Variants in FHIT observed in about 807,000 individuals in gnomAD.
FHIT encodes the protein bis(5'-adenosyl)-triphosphatase.
Under a neutral mutation model 17.9 loss-of-function variants are expected in FHIT, and 19 were observed. That is an observed-to-expected ratio of 1.06 (90% CI 0.74 to 1.56). FHIT has a LOEUF of 1.56. FHIT is among the 40% of genes most tolerant of loss of function. The pLI is 0.00. For synonymous variants in FHIT, 81 were observed against 69.7 expected (o/e 1.16, Z -0.81); for missense variants, 248 against 189.2 (o/e 1.31, Z -1.82).
At chr3:61,059,118 A>C (rs529744994) in intron 2 of FHIT, among the ~76,000 whole-genome samples, 31 of 152,338 alleles carry the variant, frequency 2.0e-4, no homozygotes, top group Non-Finnish European at 3.8e-4. Context: ...TCCCTAAGCT[A>C]CTATTTGTTA....
At chr3:59,788,553 G>A (rs1417941560) in intron 8 of FHIT, among the ~76,000 whole-genome samples, 2 of 152,072 alleles carry the variant, frequency 1.3e-5, no homozygotes, top group Non-Finnish European at 2.9e-5. Context: ...AGGGCTAAAG[G>A]CAGGCTACGA....
chr3:60,930,342 T>C (rs570216994), intron 3 of FHIT, among the ~76,000 whole-genome samples: 7 of 152,160 alleles, frequency 4.6e-5, no homozygotes, highest in South Asian at 2.1e-4. Flanking sequence ...AAAGCAATGG[T>C]AACAAAAGAC....
chr3:59,986,725 T>TATATAAATATATAA (rs1708958741), intron 7 of FHIT, among the ~76,000 whole-genome samples: 3 of 21,168 alleles, frequency 1.4e-4, no homozygotes, highest in Non-Finnish European at 2.4e-4. Context: ...TACATATATT[T>TATATAAATATATAA]ATATAAATAT....
chr3:60,381,234 T>G (rs1700787005), intron 5 of FHIT, among the ~76,000 whole-genome samples: 1 of 152,010 alleles, frequency 6.6e-6, no homozygotes, highest in Non-Finnish European at 1.5e-5. Flanking sequence ...TCCCAGCACT[T>G]TGGGAGGCTG....
intron 8 of FHIT, among the ~76,000 whole-genome samples, chr3:59,868,058 A>C (rs1206149651): frequency 2.6e-5 from 4 of 151,594 alleles, no homozygotes; most frequent in Non-Finnish European, 5.9e-5. Flanking sequence ...AAAAAAAAAA[A>C]AAAAAAAACC....
chr3:60,731,118 G>A lies in FHIT; in HGVS notation c.-18+90801C>T, dbSNP rs558542893. On this transcript the variant is annotated intron_variant, in intron 4 of 9. Transcript: ENST00000492590. The stretch of plus-strand genomic sequence containing the variant: ...TACACTCCAGCCTGGGTGATAGAGC[G>A]AGACTCTGTCTCAAAAATAAATAAA... Among the ~76,000 whole-genome samples the A allele has an allele frequency of 5.1e-4, 78 of 152,142 alleles. No homozygotes were observed. In the East Asian group the frequency reaches 0.011, roughly 22 times the overall value.
chr3:60,778,459 A>G (rs1457489636), intron 4 of FHIT, among the ~76,000 whole-genome samples: 10 of 152,260 alleles, frequency 6.6e-5, no homozygotes, highest in African/African-American at 2.4e-4. Flanking sequence ...ATTATCAAGC[A>G]AAACAAGAGT....
intron 8 of FHIT, among the ~76,000 whole-genome samples, chr3:59,834,826 T>C (rs1259259265): frequency 2.0e-5 from 3 of 152,200 alleles, no homozygotes; most frequent in Non-Finnish European, 4.4e-5. Flanking sequence ...CATAAAAATA[T>C]ATCAATGCAT....
At chr3:60,102,001 C>T (rs1424843551) in intron 5 of FHIT, among the ~76,000 whole-genome samples, 10 of 152,142 alleles carry the variant, frequency 6.6e-5, no homozygotes, top group Non-Finnish European at 1.5e-4. Flanking sequence ...TCTAGGATTT[C>T]AAAAGAATTT....
chr3:60,225,132 C>G (rs1461489772), intron 5 of FHIT, among the ~76,000 whole-genome samples: 2 of 152,174 alleles, frequency 1.3e-5, no homozygotes, highest in Non-Finnish European at 2.9e-5. Context: ...TTGTGTTCGT[C>G]TCTCTTACAG....
At chr3:61,206,619 T>C (rs914349065) in intron 1 of FHIT, among the ~76,000 whole-genome samples, 46 of 152,226 alleles carry the variant, frequency 3.0e-4, no homozygotes, top group Non-Finnish European at 5.6e-4. Flanking sequence ...ACTCTCTGTT[T>C]GTCTGTTATT....
At chr3:59,775,880 C>T (rs533312000) in intron 8 of FHIT, among the ~76,000 whole-genome samples, 1 of 152,298 alleles carries the variant, frequency 6.6e-6, no homozygotes, top group South Asian at 2.1e-4. Context: ...GGGGTGTTCT[C>T]ATTTCTCAAG....
At chr3:60,170,906 C>T (rs1277442636) in intron 5 of FHIT, among the ~76,000 whole-genome samples, 1 of 152,092 alleles carries the variant, frequency 6.6e-6, no homozygotes. Flanking sequence ...CTCCTAAGAA[C>T]AAGGCATGCA....
At chr3:60,319,320 C>T (rs746740914) in intron 5 of FHIT, among the ~76,000 whole-genome samples, 3 of 151,948 alleles carry the variant, frequency 2.0e-5, no homozygotes, top group Non-Finnish European at 4.4e-5. Context: ...CACAGCTTCC[C>T]GACTAGTATG....
At chr3:60,624,946 T>C (rs894223956) in intron 4 of FHIT, among the ~76,000 whole-genome samples, 1 of 152,134 alleles carries the variant, frequency 6.6e-6, no homozygotes, top group Non-Finnish European at 1.5e-5. Flanking sequence ...TCTTGCCCTG[T>C]TGCTCAGGCT....
chr3:60,794,235 C>T (rs1344110602), intron 4 of FHIT, among the ~76,000 whole-genome samples: 1 of 152,056 alleles, frequency 6.6e-6, no homozygotes, highest in East Asian at 1.9e-4. Context: ...ACAACTGTTC[C>T]ACTGTTCTAC....
intron 5 of FHIT, among the ~76,000 whole-genome samples, chr3:60,361,207 G>A (rs1328031499): frequency 1.3e-5 from 2 of 152,168 alleles, no homozygotes; most frequent in Non-Finnish European, 2.9e-5. Flanking sequence ...GTGGGGAGAA[G>A]TAAACAGATA....
chr3:60,182,063 G>C (rs534060042), intron 5 of FHIT, among the ~76,000 whole-genome samples: 1 of 152,250 alleles, frequency 6.6e-6, no homozygotes, highest in South Asian at 2.1e-4. Context: ...AGGGGCAGAG[G>C]GTTTTCAGAA....
At chr3:59,790,939 C>G (rs1256217091) in intron 8 of FHIT, among the ~76,000 whole-genome samples, 1 of 152,094 alleles carries the variant, frequency 6.6e-6, no homozygotes, top group East Asian at 1.9e-4. Context: ...AACTCCAGGT[C>G]ACATTCCTGT....
Sources: allele counts gnomAD v4.1 joint callset (sites outside exome capture counted in the v4.1 genomes callset), GRCh38; gene constraint gnomAD v4.1.1; transcripts MANE v1.5; gene names NCBI Gene and HGNC (gene_info 2026-07-23, HGNC 2026-07-21).